The following CHL1 variants were observed in gnomAD, a reference collection of about 807,000 sequenced individuals.
CHL1 encodes the protein cell adhesion molecule L1 like.
Under a neutral mutation model 141.9 loss-of-function variants are expected in CHL1, and 96 were observed. The ratio of observed to expected loss-of-function variants is 0.68; its 90% confidence interval spans 0.57 to 0.80. The LOEUF (loss-of-function observed/expected upper bound fraction) is 0.80. Ranked by LOEUF, CHL1 falls within the 30% of genes least tolerant of loss-of-function variation. The pLI is 0.00. For missense variants in CHL1, 1,820 were observed against 1,457.2 expected, an observed-to-expected ratio of 1.25 and a Z score of -4.05; for synonymous variants, 613 against 502.2, an observed-to-expected ratio of 1.22 and a Z score of -2.95.
chr3:209,597 G>A (rs1220055952), intron 1 of CHL1, among the ~76,000 whole-genome samples: 1 of 152,046 alleles, frequency 6.6e-6, no homozygotes, highest in East Asian at 1.9e-4. Context: ...CAAGTTTTAG[G>A]GTACATGTGC....
At chr3:380,532 G>C (rs1706903493) in intron 16 of CHL1, among the ~76,000 whole-genome samples, 1 of 152,106 alleles carries the variant, frequency 6.6e-6, no homozygotes, top group Non-Finnish European at 1.5e-5. Flanking sequence ...CAAAGTACCA[G>C]AAATTTTCAT....
chr3:369,094 T>C (rs919904597), intron 15 of CHL1, among the ~76,000 whole-genome samples: 4 of 152,224 alleles, frequency 2.6e-5, no homozygotes, highest in Admixed American at 6.5e-5. Context: ...TTTGATTCCA[T>C]ATGAAATTTA....
Position 405,649 on chromosome 3 carries a change from A to G in CHL1, c.3613A>G (p.Lys1205Glu), listed in dbSNP as rs1709486834. The G allele has an allele frequency of 6.2e-7, 1 of 1,613,456 alleles. No homozygotes were observed. Among genetic ancestry groups the G allele is most frequent in the African/African-American group, 1.3e-5 (1 of 74,876 alleles). Residue 1205 changes from lysine (K) to glutamate (E), a missense_variant, in exon 28 of 28, where the codon AAG (lysine) becomes GAG (glutamate). Coordinates refer to ENST00000256509, the MANE Select transcript of CHL1 (RefSeq NM_006614.4). ...ATTTATTGGTGCCTACGCTGGATCTAAGGAGAAGGGATCTGTTGAAAGCAA... is the reference window on the plus strand; with the variant it reads ...ATTTATTGGTGCCTACGCTGGATCTGAGGAGAAGGGATCTGTTGAAAGCAA... ...GSFIGAYAGS[K>E]EKGSVESNGS...
intron 1 of CHL1, among the ~76,000 whole-genome samples, chr3:206,119 TG>T (rs1386852934): frequency 1.3e-5 from 2 of 152,320 alleles, no homozygotes; most frequent in Non-Finnish European, 2.9e-5. Context: ...GGAATCCTAC[TG>T]AGGTATTAGA....
chr3:300,801 C>T (rs116339026), intron 2 of CHL1, among the ~76,000 whole-genome samples: 335 of 152,120 alleles, frequency 2.2e-3, no homozygotes, highest in African/African-American at 7.4e-3. Flanking sequence ...AGAGAAAACC[C>T]TTGTGATATG....
intron 1 of CHL1, among the ~76,000 whole-genome samples, chr3:214,450 T>C (rs1459170448): frequency 6.6e-6 from 1 of 152,216 alleles, no homozygotes; most frequent in Non-Finnish European, 1.5e-5. Flanking sequence ...ATTTTTCAAG[T>C]GAAAATATTT....
In CHL1 at chr3:326,740, C is replaced by T. The variant is rs1049087723; in HGVS notation, c.197+676C>T. On this transcript the variant is annotated intron_variant, in intron 4 of 27. Transcript: ENST00000256509. ...AAGAATTCCCAATATTAAAACTCTA[C>T]GTGATTCTAAAATGGAAAGCAAAGC... Among the ~76,000 whole-genome samples the T allele has an allele frequency of 3.3e-5, 5 of 151,680 alleles. No individual in the cohort carries two copies. The East Asian group carries it at 9.7e-4, about 30-fold the overall frequency.
chr3:359,968 T>A (rs1012907936), intron 11 of CHL1, among the ~76,000 whole-genome samples: 1 of 152,134 alleles, frequency 6.6e-6, no homozygotes, highest in African/African-American at 2.4e-5. Flanking sequence ...GAGTGTCACT[T>A]CATCATAGGT....
Position 405,611 on chromosome 3 carries a change from G to C in CHL1, c.3575G>C (p.Ser1192Thr), listed in dbSNP as rs141163165. The C allele has an allele frequency of 4.3e-6, 7 of 1,613,362 alleles. No individual in the cohort carries two copies. Residue 1192 changes from serine to threonine, a missense_variant, in exon 28 of 28, where the codon AGT becomes ACT. By Grantham distance (58) the Ser-to-Thr change is moderately conservative (BLOSUM62 1). Transcript: ENST00000256509. ...EYGEGDHGLF[S>T]EDGSFIGAYA... ...GGAGAGGGAGACCATGGTCTCTTCA[G>C]TGAAGATGGATCATTTATTGGTGCC...
intron 2 of CHL1, among the ~76,000 whole-genome samples, chr3:303,229 T>C (rs1323723393): frequency 6.6e-6 from 1 of 152,210 alleles, no homozygotes; most frequent in Non-Finnish European, 1.5e-5. Context: ...ATGCAGGCTC[T>C]TTTTTGGTTC....
chr3:200,284 G>C (rs559745938), intron 1 of CHL1, among the ~76,000 whole-genome samples: 2 of 152,262 alleles, frequency 1.3e-5, no homozygotes, highest in East Asian at 3.9e-4. Context: ...GCTTAAGTTA[G>C]TCCAGAGACA....
At chr3:273,162 G>A (rs1695788905) in intron 2 of CHL1, among the ~76,000 whole-genome samples, 1 of 152,096 alleles carries the variant, frequency 6.6e-6, no homozygotes, top group Admixed American at 6.6e-5. Flanking sequence ...TGAGGAGGTG[G>A]GAGTAAATTC....
chr3:364,434 C>T (rs1376899618), intron 14 of CHL1, among the ~76,000 whole-genome samples: 1 of 152,150 alleles, frequency 6.6e-6, no homozygotes, highest in African/African-American at 2.4e-5. Flanking sequence ...TTAAGCAACT[C>T]AGCTAGGTGT....
intron 23 of CHL1, among the ~76,000 whole-genome samples, chr3:393,232 C>CAAAAAAAAAAAA (rs61149354): frequency 1.1e-5 from 1 of 94,660 alleles, no homozygotes; most frequent in Non-Finnish European, 2.0e-5. Flanking sequence ...GACTCCGTCT[C>CAAAAAAAAAAAA]AAAAAAAAAA....
intron 2 of CHL1, among the ~76,000 whole-genome samples, chr3:276,265 T>C (rs1696089520): frequency 6.6e-6 from 1 of 152,224 alleles, no homozygotes; most frequent in Non-Finnish European, 1.5e-5. Flanking sequence ...ATGATTTGTG[T>C]CCATTGTAGA....
chr3:272,400 A>G (rs574183922), intron 2 of CHL1, among the ~76,000 whole-genome samples: 7 of 152,090 alleles, frequency 4.6e-5, no homozygotes, highest in Non-Finnish European at 8.8e-5. Context: ...AAATACTTCT[A>G]TCTCATCAAT....
chr3:290,135 A>G (rs531258101), intron 2 of CHL1, among the ~76,000 whole-genome samples: 5 of 152,150 alleles, frequency 3.3e-5, no homozygotes, highest in East Asian at 1.9e-4. Context: ...TTATTTTTAA[A>G]CAGCAAGTCA....
chr3:258,868 C>T (rs548907441), intron 2 of CHL1, among the ~76,000 whole-genome samples: 29 of 143,962 alleles, frequency 2.0e-4, no homozygotes, highest in African/African-American at 6.1e-4. Flanking sequence ...ACTAAGTCCC[C>T]TTTTTTTTTT....
chr3:197,239 G>C (rs946747397), intron 1 of CHL1, 176 bp downstream of exon 1: 1 of 152,614 alleles, frequency 6.6e-6, no homozygotes, highest in Non-Finnish European at 1.5e-5. Context: ...GCCTGCACCC[G>C]GGAGGAGACG....
Sources: allele counts gnomAD v4.1 joint callset (sites outside exome capture counted in the v4.1 genomes callset), GRCh38; gene constraint gnomAD v4.1.1; transcripts MANE v1.5; gene names NCBI Gene and HGNC (gene_info 2026-07-23, HGNC 2026-07-21).